The following ADGRG4 variants were observed in gnomAD, a reference collection of about 807,000 sequenced individuals.
ADGRG4 encodes G protein-coupled receptor 112.
Under a neutral mutation model 126.2 loss-of-function variants are expected in ADGRG4, and 122 were observed. That is an observed-to-expected ratio of 0.97 (90% CI 0.83 to 1.12). The LOEUF is 1.12. Ranked by LOEUF, ADGRG4 falls within the 50% of genes most tolerant of loss-of-function variation. The pLI, the probability that ADGRG4 is intolerant of heterozygous loss-of-function variation, is 0.00. For missense variants in ADGRG4, 2,481 were observed against 2,251.8 expected (o/e 1.10, Z -2.06); for synonymous variants, 943 against 838.7 (o/e 1.12, Z -2.15).
At chrX:136,330,260 CT>C (rs370464735) in intron 5 of ADGRG4, among the ~76,000 whole-genome samples, 59 of 111,323 alleles carry the variant, frequency 5.3e-4, no homozygotes, top group African/African-American at 1.9e-3. Context: ...CCTTCCCACC[CT>C]TTCCCCCTAC....
At chrX:136,373,173 C>G (rs1383957278) in intron 15 of ADGRG4, 109 bp downstream of exon 15, 3 of 674,723 alleles carry the variant, frequency 4.4e-6, no homozygotes, top group Non-Finnish European at 6.5e-6. Flanking sequence ...TTTAAGGGGA[C>G]CTTATGGAAA....
chrX:136,360,223 A>G (rs1365732912), intron 11 of ADGRG4, among the ~76,000 whole-genome samples: 2 of 111,472 alleles, frequency 1.8e-5, no homozygotes, highest in Admixed American at 1.9e-4. Context: ...CAGAATGGAG[A>G]CTGGGATAGC....
rs2075030305 is a variant in ADGRG4 at position 136,347,913 on chromosome X, G to T, written c.4207G>T (p.Val1403Leu). The T allele has an allele frequency of 5.0e-6, 6 of 1,209,082 alleles. No individual in the cohort carries two copies. In the East Asian group the frequency reaches 1.8e-4, roughly 36 times the overall value. Residue 1403 changes from valine to leucine, a missense_variant, in exon 6 of 26, where the codon GTG becomes TTG. Val to Leu is a conservative substitution (Grantham distance 32). Coordinates refer to ENST00000394143, the MANE Select transcript of ADGRG4 (RefSeq NM_153834.4). ...TVEMIVNSTY[V>L]THSVSYGQDT... ...GGAAATGATAGTAAACTCCACCTATGTGACTCACTCTGTCTCATATGGCCA... is the reference window on the plus strand; with the variant it reads ...GGAAATGATAGTAAACTCCACCTATTTGACTCACTCTGTCTCATATGGCCA...
chrX:136,351,575 T>A, intron 7 of ADGRG4, 34 bp downstream of exon 7: 1 of 673,310 alleles, frequency 1.5e-6, no homozygotes, highest in Non-Finnish European at 2.2e-6. Flanking sequence ...ATGGCATATA[T>A]AAATATATGT....
At chrX:136,309,993 T>C (rs2074757720) in intron 4 of ADGRG4, among the ~76,000 whole-genome samples, 1 of 110,950 alleles carries the variant, frequency 9.0e-6, no homozygotes, top group Non-Finnish European at 1.9e-5. Context: ...TTGGTTTTTG[T>C]GAAGGGCTAC....
At chrX:136,414,128 T>C in intron 24 of ADGRG4, 32 bp from the exon 25 acceptor site, 1 of 1,125,611 alleles carries the variant, frequency 8.9e-7, no homozygotes, top group Non-Finnish European at 1.2e-6. Context: ...TCATGAGTTT[T>C]ATATTTTTAA....
At position 136,373,048 on chromosome X, in the gene ADGRG4, A is replaced by G. The variant is rs775522367; in HGVS notation, c.7760A>G (p.Glu2587Gly). The change falls in exon 15 of 26, where the codon GAA (glutamate) becomes GGA (glycine). Residue 2587 changes from glutamate (E) to glycine (G), a missense_variant. Physicochemically the swap from Glu to Gly is moderately conservative, Grantham distance 98. Coordinates refer to ENST00000394143, the MANE Select transcript of ADGRG4 (RefSeq NM_153834.4). ...GMAFSIHSYE[E>G]GTDPEIFLGN... ...GCTTTCAGCATTCACTCCTATGAAG[A>G]AGGCACAGACCCTGAGGTGAGTGCA... 54 of 1,207,619 alleles carry G rather than the reference A, an allele frequency of 4.5e-5. No homozygotes were observed. The highest frequency in any genetic ancestry group is 5.9e-5 in the Non-Finnish European group (53 of 893,533).
At chrX:136,368,114 C>A in intron 13 of ADGRG4, among the ~76,000 whole-genome samples, 1 of 111,859 alleles carries the variant, frequency 8.9e-6, no homozygotes, top group Non-Finnish European at 1.9e-5. Context: ...ACCCCCAACA[C>A]GGTGGAGAAA....
intron 15 of ADGRG4, among the ~76,000 whole-genome samples, chrX:136,386,008 G>A (rs934350533): frequency 2.4e-4 from 27 of 111,094 alleles, no homozygotes; most frequent in African/African-American, 8.5e-4. Flanking sequence ...ATTCCACAAA[G>A]ACTGCAATTA....
intron 4 of ADGRG4, among the ~76,000 whole-genome samples, chrX:136,314,949 A>T (rs1334186687): frequency 1.8e-5 from 2 of 111,839 alleles, no homozygotes; most frequent in African/African-American, 6.5e-5. Flanking sequence ...AGGAAAAATC[A>T]CATGACCTAT....
At chrX:136,377,650 T>C (rs916389012) in intron 15 of ADGRG4, among the ~76,000 whole-genome samples, 1 of 112,042 alleles carries the variant, frequency 8.9e-6, no homozygotes, top group African/African-American at 3.2e-5. Context: ...CTTTTATGTT[T>C]AGAACTCAAT....
chrX:136,317,411 A>C (rs1400572687), intron 4 of ADGRG4, among the ~76,000 whole-genome samples: 1 of 106,334 alleles, frequency 9.4e-6, no homozygotes, highest in African/African-American at 3.4e-5. Context: ...GAGGCAGGAG[A>C]ATTGCTTGAA....
chrX:136,401,689 G>A (rs970723630), intron 21 of ADGRG4, among the ~76,000 whole-genome samples: 3 of 112,037 alleles, frequency 2.7e-5, no homozygotes, highest in Non-Finnish European at 5.6e-5. Context: ...TAAAAAGAAC[G>A]ACCCCAAAAC....
chrX:136,350,093 G>A lies in ADGRG4; in HGVS notation c.6387G>A (p.Lys2129=). 8.3e-7 allele frequency: 1 copy of A among 1,210,130 alleles called. No individual in the cohort carries two copies. Among genetic ancestry groups the A allele is most frequent in the Non-Finnish European group, 1.1e-6 (1 of 894,258 alleles). The change falls in exon 6 of 26, where the codon AAG becomes AAA. Residue 2129 remains lysine (K), a synonymous_variant. Transcript: ENST00000394143. ...CTCATCCTTCATCCTTCAGCAGAAA[G>A]ACTATGTCACCTTCTACAACTGACC... ...TVSHPSSFSR[K]TMSPSTTDHT...
intron 15 of ADGRG4, among the ~76,000 whole-genome samples, chrX:136,374,453 G>A (rs1163905780): frequency 2.7e-5 from 3 of 110,371 alleles, no homozygotes; most frequent in African/African-American, 9.9e-5. Context: ...TTTTTGAGAT[G>A]GAGTCTCACT....
At chrX:136,325,716 T>TC (rs1416840746) in intron 5 of ADGRG4, among the ~76,000 whole-genome samples, 1 of 105,974 alleles carries the variant, frequency 9.4e-6, no homozygotes, top group African/African-American at 3.4e-5. Flanking sequence ...GTACACTTTT[T>TC]TTTTTTTTTT....
chrX:136,339,448 T>G (rs1182866430), intron 5 of ADGRG4, among the ~76,000 whole-genome samples: 1 of 111,747 alleles, frequency 8.9e-6, no homozygotes, highest in African/African-American at 3.3e-5. Flanking sequence ...AGTGCTTCTC[T>G]TGGTTGCTTA....
chrX:136,310,366 C>T (rs1489554459), intron 4 of ADGRG4, among the ~76,000 whole-genome samples: 2 of 110,991 alleles, frequency 1.8e-5, no homozygotes, highest in African/African-American at 6.6e-5. Context: ...CCTCAACCTG[C>T]AGAGGTCAAT....
At chrX:136,333,442 G>T (rs201795682) in intron 5 of ADGRG4, among the ~76,000 whole-genome samples, 12 of 38,294 alleles carry the variant, frequency 3.1e-4, no homozygotes, top group African/African-American at 1.1e-3. Context: ...CTAATTTTTT[G>T]TTGGGTATAT....
Sources: gnomAD v4.1 joint callset for allele counts (sites outside exome capture counted in the v4.1 genomes callset) on GRCh38, gnomAD v4.1.1 for gene constraint, MANE v1.5 for transcripts, NCBI Gene and HGNC (gene_info 2026-07-23, HGNC 2026-07-21) for gene names.